STOX2: variants seen among roughly 807,000 people sequenced by gnomAD.
The protein encoded by STOX2 is storkhead box 2, also known as storkhead-box protein 2.
STOX2 carries 28 observed loss-of-function variants against 60.9 expected under a neutral mutation model. The ratio of observed to expected loss-of-function variants is 0.46; its 90% confidence interval spans 0.34 to 0.63. STOX2 has a LOEUF of 0.63. Ranked by LOEUF, STOX2 falls within the 30% of genes least tolerant of loss-of-function variation. STOX2 has a pLI of 0.01. For missense variants in STOX2, 1,024 were observed against 1,187.7 expected (o/e 0.86, Z 2.03); for synonymous variants, 472 against 463.9 (o/e 1.02, Z -0.22).
At chr4:183,931,453 A>C (rs930180060) in intron 1 of STOX2, among the ~76,000 whole-genome samples, 3 of 152,120 alleles carry the variant, frequency 2.0e-5, no homozygotes, top group Non-Finnish European at 4.4e-5. Context: ...AAAACTGTGG[A>C]GCTACCATAT....
At chr4:183,939,954 A>C (rs927422511) in intron 1 of STOX2, among the ~76,000 whole-genome samples, 6 of 152,218 alleles carry the variant, frequency 3.9e-5, no homozygotes, top group African/African-American at 1.4e-4. Flanking sequence ...CTCAGGCTGG[A>C]GTGCAATGGC....
intron 1 of STOX2, among the ~76,000 whole-genome samples, chr4:183,852,409 GGAT>G (rs1740171486): frequency 1.5e-5 from 1 of 68,672 alleles, no homozygotes; most frequent in Non-Finnish European, 2.9e-5. Flanking sequence ...ATGAGGGAAA[GGAT>G]GAGGGAAAGG....
At chr4:183,887,991 T>A (rs1741121580) in intron 1 of STOX2, among the ~76,000 whole-genome samples, 1 of 152,336 alleles carries the variant, frequency 6.6e-6, no homozygotes, top group Non-Finnish European at 1.5e-5. Flanking sequence ...TAGCTTCAAG[T>A]GATCCTCCTG....
At chr4:183,908,395 T>G (rs1019790432) in intron 1 of STOX2, among the ~76,000 whole-genome samples, 1 of 152,106 alleles carries the variant, frequency 6.6e-6, no homozygotes, top group Admixed American at 6.5e-5. Flanking sequence ...CTGCACTAAG[T>G]GTTCAGATAA....
At chr4:183,890,353 T>G (rs1463121335) in intron 1 of STOX2, among the ~76,000 whole-genome samples, 1 of 151,722 alleles carries the variant, frequency 6.6e-6, no homozygotes, top group East Asian at 1.9e-4. Context: ...TGTGGCAGCT[T>G]GCACCTGTAG....
In STOX2 at chr4:183,806,137, CTG is replaced by C. The variant is rs538152865; in HGVS notation, c.364+8085_364+8086del. Among the ~76,000 whole-genome samples the C allele has an allele frequency of 1.5e-4, 23 of 152,312 alleles. No individual in the cohort carries two copies. Among genetic ancestry groups the C allele is most frequent in the Admixed American group, 1.4e-3 (22 of 15,294 alleles). Reference sequence around the variant, plus strand: ...ACATTAACACTTTGGAAGCATACCTCTGTGCTGTAGATTTCACTCTGAAGATG... The same window carrying C: ...ACATTAACACTTTGGAAGCATACCTCTGCTGTAGATTTCACTCTGAAGATG... On this transcript the variant is annotated intron_variant, in intron 1 of 2. Coordinates refer to the STOX2 transcript ENST00000513034. The surrounding 1 kb of genome is among the most constrained non-coding windows in gnomAD (Gnocchi z 4.1).
At chr4:183,875,970 C>T (rs1018828883) in intron 1 of STOX2, among the ~76,000 whole-genome samples, 3 of 152,184 alleles carry the variant, frequency 2.0e-5, no homozygotes, top group Non-Finnish European at 4.4e-5. Context: ...GCCTCAGCCT[C>T]CCAAAATGCT....
chr4:183,816,293 A>G (rs1035212260), intron 1 of STOX2, among the ~76,000 whole-genome samples: 2 of 152,262 alleles, frequency 1.3e-5, no homozygotes, highest in Non-Finnish European at 2.9e-5. Context: ...AGTGGATTAG[A>G]TAAAGCATGG....
chr4:183,909,984 A>G (rs756890027), intron 1 of STOX2, among the ~76,000 whole-genome samples: 1 of 152,248 alleles, frequency 6.6e-6, no homozygotes, highest in Non-Finnish European at 1.5e-5. Context: ...CTCGAAGACT[A>G]TGCCTTATGT....
chr4:184,008,510 G>A (rs371347312), intron 2 of STOX2, among the ~76,000 whole-genome samples: 2 of 151,996 alleles, frequency 1.3e-5, no homozygotes, highest in South Asian at 2.1e-4. Context: ...ACTGACTGAC[G>A]CCAAAAAGGA....
intron 1 of STOX2, among the ~76,000 whole-genome samples, chr4:183,990,573 G>GC (rs1429946668): frequency 8.1e-5 from 10 of 123,466 alleles, no homozygotes; most frequent in Non-Finnish European, 6.6e-5. Flanking sequence ...AGTTTAAAAA[G>GC]CAGGATTTTT....
intron 1 of STOX2, among the ~76,000 whole-genome samples, chr4:183,820,622 C>T (rs534867332): frequency 2.0e-5 from 3 of 152,252 alleles, no homozygotes; most frequent in African/African-American, 4.8e-5. Flanking sequence ...CTTATTTAGA[C>T]ATAACAGTAT....
chr4:183,981,429 C>T (rs1401071846), intron 1 of STOX2, among the ~76,000 whole-genome samples: 1 of 151,554 alleles, frequency 6.6e-6, no homozygotes, highest in Non-Finnish European at 1.5e-5. Flanking sequence ...GAGATAGAAA[C>T]GTCTGAGATA....
At position 184,019,188 on chromosome 4, in the gene STOX2, T is replaced by C. The variant is rs538209208; in HGVS notation, c.*1904T>C. 136 of 152,354 alleles carry C rather than the reference T, an allele frequency of 8.9e-4. 1 individual carries two copies. The highest frequency in any genetic ancestry group is 3.2e-3 in the African/African-American group (132 of 41,586). 9.4% of individuals were successfully genotyped at this position (152,354 alleles called of 1,614,324 possible). ...TTTTTTCTGCTTATTATAGTGAAAC[T>C]TCAGCATGTTTCTTAGTAAACTCCC... On this transcript the variant is annotated 3_prime_UTR_variant, in exon 4 of 4. Coordinates refer to ENST00000308497, the MANE Select transcript of STOX2 (RefSeq NM_020225.3).
intron 1 of STOX2, among the ~76,000 whole-genome samples, chr4:183,990,983 G>C (rs1469302954): frequency 6.6e-6 from 1 of 152,110 alleles, no homozygotes. Flanking sequence ...GATCATATCA[G>C]AAATTATTTA....
chr4:183,925,451 G>A (rs1189368682), intron 1 of STOX2, among the ~76,000 whole-genome samples: 1 of 152,082 alleles, frequency 6.6e-6, no homozygotes, highest in African/African-American at 2.4e-5. Flanking sequence ...CCAAAGTGCT[G>A]GGATTACAGG....
chr4:183,987,705 G>C (rs900951996), intron 1 of STOX2: 1 of 152,208 alleles, frequency 6.6e-6, no homozygotes, highest in African/African-American at 2.4e-5. Flanking sequence ...ACCGCTGCCC[G>C]GGCTGCGAGC....
At chr4:183,946,201 G>T (rs775326440) in intron 1 of STOX2, among the ~76,000 whole-genome samples, 1 of 149,394 alleles carries the variant, frequency 6.7e-6, no homozygotes, top group Non-Finnish European at 1.5e-5. Context: ...TGGTTAAAAT[G>T]ATGGGCTTTC....
At chr4:183,915,942 CGCCACCTCTGAGCCTT>C (rs1741920136) in intron 1 of STOX2, among the ~76,000 whole-genome samples, 1 of 152,244 alleles carries the variant, frequency 6.6e-6, no homozygotes, top group Non-Finnish European at 1.5e-5. Flanking sequence ...GACACTAGTC[CGCCACCTCTGAGCCTT>C]GGTGGCAGGC....
Sources: allele counts gnomAD v4.1 joint callset (sites outside exome capture counted in the v4.1 genomes callset), GRCh38; gene constraint gnomAD v4.1.1; non-coding constraint Gnocchi (gnomAD v3.1); transcripts MANE v1.5; gene names NCBI Gene and HGNC (gene_info 2026-07-23, HGNC 2026-07-21).